Variants in CSMD1 observed in about 807,000 individuals in gnomAD.
The protein encoded by CSMD1 is CUB and Sushi multiple domains 1.
A neutral mutation model predicts 417.5 loss-of-function variants in CSMD1; 213 were observed. The observed-to-expected ratio is 0.51, with a 90% confidence interval of 0.46 to 0.57. The LOEUF (loss-of-function observed/expected upper bound fraction) is 0.57. Ranked by LOEUF, CSMD1 falls within the 20% of genes least tolerant of loss-of-function variation. The pLI, the probability that CSMD1 is intolerant of heterozygous loss-of-function variation, is 0.00. For synonymous variants in CSMD1, 2,862 were observed against 1,736.8 expected, an observed-to-expected ratio of 1.65 and a Z score of -16.11; for missense variants, 6,923 against 4,529.7, an observed-to-expected ratio of 1.53 and a Z score of -15.17.
chr8:4,462,618 C>T (rs959538625), intron 2 of CSMD1, among the ~76,000 whole-genome samples: 1 of 152,144 alleles, frequency 6.6e-6, no homozygotes, highest in South Asian at 2.1e-4. Context: ...GATCATGATT[C>T]CATTATGCTT....
At chr8:4,161,796 A>C (rs1258813915) in intron 3 of CSMD1, among the ~76,000 whole-genome samples, 2 of 152,108 alleles carry the variant, frequency 1.3e-5, no homozygotes, top group Non-Finnish European at 2.9e-5. Context: ...AAAGAAACAA[A>C]ATTTGTTCAT....
intron 8 of CSMD1, among the ~76,000 whole-genome samples, chr8:3,605,742 C>A (rs1315562750): frequency 6.6e-6 from 1 of 152,108 alleles, no homozygotes; most frequent in Non-Finnish European, 1.5e-5. Flanking sequence ...ATGCACATAC[C>A]AAGGACATAC....
At chr8:3,615,448 C>G (rs144281084) in intron 8 of CSMD1, among the ~76,000 whole-genome samples, 1 of 152,170 alleles carries the variant, frequency 6.6e-6, no homozygotes, top group Non-Finnish European at 1.5e-5. Context: ...TCAAGCTCTG[C>G]CTCAAATGGA....
At chr8:4,778,585 G>C (rs1051375793) in intron 1 of CSMD1, among the ~76,000 whole-genome samples, 2 of 152,188 alleles carry the variant, frequency 1.3e-5, no homozygotes, top group African/African-American at 2.4e-5. Context: ...TGGAAATTCC[G>C]TGAGAGGGAG....
At chr8:2,982,057 T>C (rs1408130537) in intron 54 of CSMD1, among the ~76,000 whole-genome samples, 1 of 152,044 alleles carries the variant, frequency 6.6e-6, no homozygotes. Context: ...CAAGTTGACA[T>C]ACGAATATGG....
intron 2 of CSMD1, among the ~76,000 whole-genome samples, chr8:4,446,749 G>GTGTC (rs1209985182): frequency 1.6e-4 from 17 of 106,892 alleles, no homozygotes; most frequent in Non-Finnish European, 2.7e-4. Flanking sequence ...GTGTGTGTGT[G>GTGTC]TGTGTCTGTG....
At chr8:4,486,160 TACATATATATATATACATAC>T (rs1801380478) in intron 2 of CSMD1, among the ~76,000 whole-genome samples, 1 of 21,406 alleles carries the variant, frequency 4.7e-5, no homozygotes, top group African/African-American at 1.6e-4. Context: ...TATATATACA[TACATATATATATATACATAC>T]ATATATATAT....
intron 5 of CSMD1, among the ~76,000 whole-genome samples, chr8:3,815,265 G>A (rs1801308594): frequency 6.6e-6 from 1 of 152,152 alleles, no homozygotes. Context: ...GTCTGAGGAT[G>A]TGTCATTGAT....
chr8:4,456,703 C>G (rs1039875615), intron 2 of CSMD1, among the ~76,000 whole-genome samples: 1 of 152,138 alleles, frequency 6.6e-6, no homozygotes, highest in African/African-American at 2.4e-5. Flanking sequence ...GTGGAAGAAA[C>G]AGGCATGTGG....
chr8:4,542,411 T>A (rs1463180082), intron 2 of CSMD1, among the ~76,000 whole-genome samples: 1 of 152,174 alleles, frequency 6.6e-6, no homozygotes, highest in East Asian at 1.9e-4. Context: ...CCATTAAAAA[T>A]CTCACTAGAC....
intron 3 of CSMD1, among the ~76,000 whole-genome samples, chr8:4,268,564 A>T (rs1804369181): frequency 6.6e-6 from 1 of 152,212 alleles, no homozygotes; most frequent in South Asian, 2.1e-4. Flanking sequence ...GAAAGATTAG[A>T]GATGAATATC....
intron 3 of CSMD1, among the ~76,000 whole-genome samples, chr8:4,354,073 C>A (rs537898034): frequency 6.6e-6 from 1 of 152,178 alleles, no homozygotes; most frequent in Non-Finnish European, 1.5e-5. Flanking sequence ...TTTCAGAAAT[C>A]TGCATGGCAA....
rs117369823 is a variant in CSMD1, at chr8:4,923,704, T to C, written c.85+70628A>G. Among the ~76,000 whole-genome samples the C allele has an allele frequency of 7.5e-4, 114 of 152,278 alleles. No individual in the cohort carries two copies. The East Asian group carries it at 0.014, about 19-fold the overall frequency. On this transcript the variant is annotated intron_variant, in intron 1 of 69. Transcript: ENST00000635120. ...GGAGAGCACTCAGTGGGACTATCAG[T>C]GCTTGGGAGTTAGCATGATTACAGA...
intron 5 of CSMD1, among the ~76,000 whole-genome samples, chr8:3,882,513 G>T (rs140632656): frequency 1.1e-3 from 162 of 152,310 alleles, no homozygotes; most frequent in African/African-American, 3.8e-3. Context: ...TGCCTCGGTT[G>T]AGCACATGCA....
chr8:4,766,773 C>T (rs148712990), intron 1 of CSMD1, among the ~76,000 whole-genome samples: 274 of 152,248 alleles, frequency 1.8e-3, no homozygotes, highest in African/African-American at 6.1e-3. Context: ...AAGGTTTGTA[C>T]GCACAATGAG....
rs1460270651 is a variant in CSMD1, at chr8:3,382,520, A to G, written c.2782+4974T>C. ...ATGTATATAAATTTATATATATATA[A>G]ATTTATATAAATATATATTTATTAT... On this transcript the variant is annotated intron_variant, in intron 18 of 69. Transcript: ENST00000635120. Among the ~76,000 whole-genome samples the G allele has an allele frequency of 6.8e-5, 9 of 133,310 alleles. No homozygotes were observed. The South Asian group carries it at 2.0e-3, about 30-fold the overall frequency. 87.5% of individuals were successfully genotyped at this position (133,310 alleles called of 152,430 possible).
At chr8:4,458,341 T>C (rs553156007) in intron 2 of CSMD1, among the ~76,000 whole-genome samples, 2 of 152,272 alleles carry the variant, frequency 1.3e-5, no homozygotes, top group South Asian at 2.1e-4. Flanking sequence ...AGCTGAAAGT[T>C]ATATCAGTAA....
At chr8:3,247,454 A>G (rs1799956444) in intron 26 of CSMD1, among the ~76,000 whole-genome samples, 1 of 152,174 alleles carries the variant, frequency 6.6e-6, no homozygotes, top group Non-Finnish European at 1.5e-5. Context: ...ACCATTTCAG[A>G]TACAAGCCAA....
At chr8:4,278,259 A>C (rs1029541596) in intron 3 of CSMD1, among the ~76,000 whole-genome samples, 2 of 152,158 alleles carry the variant, frequency 1.3e-5, no homozygotes, top group Non-Finnish European at 1.5e-5. Context: ...AATTCAGTTT[A>C]ATTTTCAATG....
Sources: allele counts gnomAD v4.1 joint callset (sites outside exome capture counted in the v4.1 genomes callset), GRCh38; gene constraint gnomAD v4.1.1; transcripts MANE v1.5; gene names NCBI Gene and HGNC (gene_info 2026-07-23, HGNC 2026-07-21).